Variants in NIPA1 observed in about 807,000 individuals in gnomAD.
NIPA1 encodes magnesium transporter NIPA1.
NIPA1 carries 13 observed loss-of-function variants against 23.9 expected under a neutral mutation model. That is an observed-to-expected ratio of 0.54 (90% CI 0.35 to 0.87). The LOEUF (loss-of-function observed/expected upper bound fraction) is 0.87, where lower values mean the gene tolerates loss of function less well. NIPA1 is among the 40% of genes least tolerant of loss of function. NIPA1 has a pLI of 0.01. For synonymous variants in NIPA1, 234 were observed against 202.9 expected (o/e 1.15, Z -1.30); for missense variants, 362 against 429.7 (o/e 0.84, Z 1.39).
At chr15:22,791,574 C>T (rs1416738625) in intron 1 of NIPA1, among the ~76,000 whole-genome samples, 1 of 137,320 alleles carries the variant, frequency 7.3e-6, no homozygotes, top group East Asian at 2.4e-4. Flanking sequence ...ATCTCTGCTT[C>T]CCAGGTTCAA....
chr15:22,798,835 CAAAAA>C (rs1206327395), intron 1 of NIPA1, among the ~76,000 whole-genome samples: 2 of 73,106 alleles, frequency 2.7e-5, no homozygotes, highest in African/African-American at 5.9e-5. Flanking sequence ...GACTCCGTCT[CAAAAA>C]AAAAAAAAAA....
chr15:22,798,997 A>G (rs1895006097), intron 1 of NIPA1, among the ~76,000 whole-genome samples: 1 of 152,016 alleles, frequency 6.6e-6, no homozygotes, highest in Non-Finnish European at 1.5e-5. Context: ...AATTAGTTCA[A>G]CCCCTGTGGA....
chr15:22,800,075 A>C (rs868234960), intron 1 of NIPA1, among the ~76,000 whole-genome samples: 3 of 151,666 alleles, frequency 2.0e-5, no homozygotes, highest in African/African-American at 7.3e-5. Context: ...TATGTGCACT[A>C]TTTGGGTGAT....
At chr15:22,803,938 G>A (rs189657786) in intron 1 of NIPA1, among the ~76,000 whole-genome samples, 6,139 of 148,456 alleles carry the variant, frequency 0.041, 421 homozygotes, top group African/African-American at 0.14. Context: ...CTCGGCCTCC[G>A]AAAGTGCTGG....
At chr15:22,812,362 G>GATCTTC in intron 3 of NIPA1, 109 bp downstream of exon 3, 1 of 812,270 alleles carries the variant, frequency 1.2e-6, no homozygotes, top group Non-Finnish European at 2.1e-6. Flanking sequence ...ATAGAAGATA[G>GATCTTC]ATCTTCAGGC....
Position 22,826,333 on chromosome 15 carries a change from C to G in NIPA1, c.*2094C>G, listed in dbSNP as rs1013844643. On this transcript the variant is annotated 3_prime_UTR_variant, in exon 5 of 5. Coordinates refer to ENST00000337435, the MANE Select transcript of NIPA1 (RefSeq NM_144599.5). ...TAACAAATGCTCAAAGTCCATTACT[C>G]TTTTTATTGGCTCTTGCAGGTTTTG... The G allele has an allele frequency of 6.6e-6, 1 of 152,152 alleles. No individual in the cohort carries two copies. The highest frequency in any genetic ancestry group is 1.5e-5 in the Non-Finnish European group (1 of 68,028). 9.4% of individuals were successfully genotyped at this position (152,152 alleles called of 1,614,324 possible).
chr15:22,812,338 A>G (rs183350092), intron 3 of NIPA1, 85 bp downstream of exon 3: 146 of 1,013,008 alleles, frequency 1.4e-4, no homozygotes, highest in Non-Finnish European at 1.7e-4. Flanking sequence ...TAAAGTAATA[A>G]GAGCAAAATT....
At chr15:22,822,005 C>T (rs1895549600) in intron 4 of NIPA1, among the ~76,000 whole-genome samples, 1 of 152,162 alleles carries the variant, frequency 6.6e-6, no homozygotes, top group Non-Finnish European at 1.5e-5. Context: ...TTGAAGCTGG[C>T]CGACCCCACA....
chr15:22,802,391 C>CAAAAA (rs10689474), intron 1 of NIPA1, among the ~76,000 whole-genome samples: 1 of 114,640 alleles, frequency 8.7e-6, no homozygotes, highest in Non-Finnish European at 1.8e-5. Flanking sequence ...GACTCTGTCT[C>CAAAAA]AAAAAAAAAA....
At chr15:22,788,209 G>C (rs536619261) in intron 1 of NIPA1, among the ~76,000 whole-genome samples, 3 of 152,128 alleles carry the variant, frequency 2.0e-5, no homozygotes, top group African/African-American at 7.2e-5. Context: ...CGGAGTAGAA[G>C]AACATCTTGC....
chr15:22,802,739 T>C (rs1895111661), intron 1 of NIPA1, among the ~76,000 whole-genome samples: 1 of 152,164 alleles, frequency 6.6e-6, no homozygotes, highest in Non-Finnish European at 1.5e-5. Context: ...ACTCTTCTGA[T>C]GCCCATCTGC....
intron 1 of NIPA1, among the ~76,000 whole-genome samples, chr15:22,800,126 C>G (rs74777215): frequency 6.6e-6 from 1 of 151,814 alleles, no homozygotes; most frequent in Non-Finnish European, 1.5e-5. Flanking sequence ...GCACAATATA[C>G]GCAAAGAACA....
At chr15:22,794,789 G>T (rs1488660199) in intron 1 of NIPA1, among the ~76,000 whole-genome samples, 1 of 152,144 alleles carries the variant, frequency 6.6e-6, no homozygotes, top group African/African-American at 2.4e-5. Flanking sequence ...ACGGAACGAG[G>T]TTAGTTCTGC....
At chr15:22,797,510 C>CTTT (rs35158063) in intron 1 of NIPA1, among the ~76,000 whole-genome samples, 14,236 of 124,466 alleles carry the variant, frequency 0.11, 2,657 homozygotes, top group African/African-American at 0.37. Context: ...CCGCGCCTGG[C>CTTT]TTTTTTTTTT....
At chr15:22,815,770 A>G (rs1895402430) in intron 3 of NIPA1, among the ~76,000 whole-genome samples, 1 of 152,228 alleles carries the variant, frequency 6.6e-6, no homozygotes, top group Non-Finnish European at 1.5e-5. Flanking sequence ...AGTGGGATTT[A>G]TCCCAGAAAT....
chr15:22,810,831 C>T lies in NIPA1; in HGVS notation c.226+35C>T. On this transcript the variant is annotated intron_variant, in intron 2 of 4. Coordinates refer to ENST00000337435, the MANE Select transcript of NIPA1 (RefSeq NM_144599.5). Reference sequence around the variant, plus strand: ...CTGTGTGGCGAAGTCTGGTCTTTTCCTTTCTTAGAATCCATCACTGGTCTG... The same window carrying T: ...CTGTGTGGCGAAGTCTGGTCTTTTCTTTTCTTAGAATCCATCACTGGTCTG... The T allele has an allele frequency of 1.9e-6, 3 of 1,553,024 alleles. 1 individual carries two copies. The Middle Eastern group carries it at 5.1e-4, about 262-fold the overall frequency.
chr15:22,814,179 T>C, intron 3 of NIPA1: 1 of 1,031,112 alleles, frequency 9.7e-7, no homozygotes, highest in African/African-American at 1.6e-5. Context: ...TTAAACAGAA[T>C]AAAACTAAAA....
At chr15:22,807,488 G>C (rs1895232895) in intron 1 of NIPA1, among the ~76,000 whole-genome samples, 1 of 152,124 alleles carries the variant, frequency 6.6e-6, no homozygotes, top group Non-Finnish European at 1.5e-5. Flanking sequence ...GGGAGGCTGA[G>C]GCAGGAGAAT....
At chr15:22,806,483 G>A (rs968339523) in intron 1 of NIPA1, among the ~76,000 whole-genome samples, 9 of 152,216 alleles carry the variant, frequency 5.9e-5, no homozygotes, top group African/African-American at 1.4e-4. Context: ...ACCTAGGAGT[G>A]GGGGAGGAGA....
Sources: allele counts gnomAD v4.1 joint callset (sites outside exome capture counted in the v4.1 genomes callset), GRCh38; gene constraint gnomAD v4.1.1; transcripts MANE v1.5; gene names NCBI Gene and HGNC (gene_info 2026-07-23, HGNC 2026-07-21).